RAC3: variants seen among roughly 807,000 people sequenced by gnomAD.
The protein encoded by RAC3 is Rac family small GTPase 3.
A neutral mutation model predicts 19.0 loss-of-function variants in RAC3; 9 were observed. The ratio of observed to expected loss-of-function variants is 0.47; its 90% CI spans 0.29 to 0.83. The LOEUF is 0.83. Ranked by LOEUF, RAC3 falls within the 40% of genes least tolerant of loss-of-function variation. The pLI, the probability that RAC3 is intolerant of heterozygous loss-of-function variation, is 0.09. For missense variants in RAC3, 203 were observed against 260.8 expected (o/e 0.78, Z 1.53); for synonymous variants, 146 against 111.8 (o/e 1.31, Z -1.93).
chr17:82,031,845 G>C, intron 1 of RAC3, 49 bp downstream of exon 1: 1 of 879,888 alleles, frequency 1.1e-6, no homozygotes, highest in Non-Finnish European at 1.4e-6. Context: ...CGGGAGGGGG[G>C]CTCGGGGGCT....
In RAC3 at chr17:82,033,622, C is replaced by T. The variant is rs1328735169; in HGVS notation, c.448+23C>T. 3 of 1,603,494 alleles carry T rather than the reference C, an allele frequency of 1.9e-6. No homozygotes were observed. The highest frequency in any genetic ancestry group is 1.7e-5 in the Admixed American group (1 of 59,524). On this transcript the variant is annotated intron_variant, in intron 5 of 5. Coordinates refer to ENST00000306897, the MANE Select transcript of RAC3 (RefSeq NM_005052.3). This position sits in a 1 kb window ranked among gnomAD's most constrained non-coding sequence, Gnocchi z 6.2. Reference sequence around the variant, plus strand: ...TTGGTGGGTAGGCGCTGGCGGCCTGCAGGGGAGGGGTGGGGAGGCGCAGTA... The same window carrying T: ...TTGGTGGGTAGGCGCTGGCGGCCTGTAGGGGAGGGGTGGGGAGGCGCAGTA...
At chr17:82,031,995 G>A (rs1488568792) in intron 1 of RAC3, 199 bp downstream of exon 1, 1 of 185,286 alleles carries the variant, frequency 5.4e-6, no homozygotes, top group African/African-American at 2.4e-5. Flanking sequence ...CTCCAGCTCG[G>A]GCCCACCTGA....
chr17:82,032,079 C>T, intron 1 of RAC3: 1 of 356,216 alleles, frequency 2.8e-6, no homozygotes, highest in South Asian at 5.1e-5. Flanking sequence ...TGGGTGGGGC[C>T]AGGCCTCTCA....
chr17:82,033,296 A>T lies in RAC3; in HGVS notation c.289-144A>T. ...TTTGTTCCTGGTATCTCCCCACCAA[A>T]TCCGCCCCTGGTCACCCCTTGAAGG... On this transcript the variant is annotated intron_variant, in intron 4 of 5. Coordinates refer to ENST00000306897, the MANE Select transcript of RAC3 (RefSeq NM_005052.3). This position sits in a 1 kb window ranked among gnomAD's most constrained non-coding sequence, Gnocchi z 6.2. 9.4e-7 allele frequency: 1 copy of T among 1,065,370 alleles called. No individual in the cohort carries two copies. The highest frequency in any genetic ancestry group is 2.6e-5 in the East Asian group (1 of 38,386). 66.0% of individuals were successfully genotyped at this position (1,065,370 alleles called of 1,614,324 possible).
chr17:82,032,605 G>C (rs4969477), intron 2 of RAC3, 106 bp from the exon 3 acceptor site: 1 of 1,438,526 alleles, frequency 7.0e-7, no homozygotes, highest in Non-Finnish European at 9.7e-7. Context: ...GTGCTGGCCA[G>C]AGTTCTAGTT....
In RAC3 at chr17:82,033,430, G is replaced by C; in HGVS notation, c.289-10G>C. 1 of 1,592,738 alleles carries C rather than the reference G, an allele frequency of 6.3e-7. No individual in the cohort carries two copies. The highest frequency in any genetic ancestry group is 1.1e-5 in the South Asian group (1 of 88,044). ...TCCGGGCCTAGGGATCAGAGCGTCT[G>C]TCCCTGCAGTGGTACCCGGAGGTGC... On this transcript the variant is annotated splice_polypyrimidine_tract_variant and intron_variant, in intron 4 of 5. Coordinates refer to ENST00000306897, the MANE Select transcript of RAC3 (RefSeq NM_005052.3). This position sits in a 1 kb window ranked among gnomAD's most constrained non-coding sequence, Gnocchi z 6.2.
Position 82,033,606 on chromosome 17 carries a change from A to G in RAC3, c.448+7A>G, listed in dbSNP as rs750610372. On this transcript the variant is annotated splice_region_variant and intron_variant, in intron 5 of 5. Transcript: ENST00000306897. This position sits in a 1 kb window ranked among gnomAD's most constrained non-coding sequence, Gnocchi z 6.2. ...GCCATGGCCCGGGAGATTGGTGGGT[A>G]GGCGCTGGCGGCCTGCAGGGGAGGG... 2 of 1,607,242 alleles carry G rather than the reference A, an allele frequency of 1.2e-6. No homozygotes were observed. The highest frequency in any genetic ancestry group is 1.7e-5 in the Admixed American group (1 of 59,680).
rs748463837 is a variant in RAC3, at chr17:82,032,456, C to G, written c.105C>G (p.Thr35=). Reference sequence around the variant, plus strand: ...CCTTCCCCGGAGAGTACATCCCCACCGTGTGAGTGTGGGGGCTTCCCGGGA... The same window carrying G: ...CCTTCCCCGGAGAGTACATCCCCACGGTGTGAGTGTGGGGGCTTCCCGGGA... The part of the protein sequence containing the change: ...TNAFPGEYIP[T]VFDNYSANVM... Residue 35 remains threonine (T), a splice_region_variant and synonymous_variant, in exon 2 of 6, where the codon ACC becomes ACG. Transcript: ENST00000306897. 1 of 1,612,840 alleles carries G rather than the reference C, an allele frequency of 6.2e-7. No individual in the cohort carries two copies. The highest frequency in any genetic ancestry group is 8.5e-7 in the Non-Finnish European group (1 of 1,179,766).
rs1410905444 is a variant in RAC3, at chr17:82,034,048, G to A, written c.*219G>A. The stretch of plus-strand genomic sequence containing the variant: ...TTCCCTGGCCCCCGCCGGAGGCCGG[G>A]AGGGAGCAGGGTCTCCCTCAGGGCT... On this transcript the variant is annotated 3_prime_UTR_variant, in exon 6 of 6. Coordinates refer to ENST00000306897, the MANE Select transcript of RAC3 (RefSeq NM_005052.3). 1 of 478,630 alleles carries A rather than the reference G, an allele frequency of 2.1e-6. No homozygotes were observed. The highest frequency in any genetic ancestry group is 3.5e-6 in the Non-Finnish European group (1 of 284,732). The allele number at this position is 478,630 out of a possible 1,614,324, so 29.6% of individuals were successfully genotyped here.
At position 82,032,754 on chromosome 17, in the gene RAC3, G is replaced by A. The variant is rs754486856; in HGVS notation, c.151G>A (p.Val51Ile). The change falls in exon 3 of 6, where the codon GTC becomes ATC. Residue 51 changes from valine to isoleucine, a missense_variant. Transcript: ENST00000306897. ...CAACGTGATGGTGGACGGGAAACCA[G>A]TCAACTTGGGGCTGTGGGACACAGC... ...SANVMVDGKP[V>I]NLGLWDTAGQ... 2.5e-6 allele frequency: 4 copies of A among 1,613,030 alleles called. No individual in the cohort carries two copies. The Admixed American group carries it at 6.7e-5, about 27-fold the overall frequency.
rs1315436461 is a variant in RAC3 at position 82,031,696 on chromosome 17, T to C, written c.-66T>C. On this transcript the variant is annotated 5_prime_UTR_variant, in exon 1 of 6. Coordinates refer to ENST00000306897, the MANE Select transcript of RAC3 (RefSeq NM_005052.3). ...GCTCGGCGCTCGGGTCCGCGGCCGC[T>C]GCGGCGCCGGGCATTTCTCCGCAGC... The C allele has an allele frequency of 5.4e-6, 5 of 926,374 alleles. No homozygotes were observed. The African/African-American group carries it at 9.1e-5, about 17-fold the overall frequency. The allele number at this position is 926,374 out of a possible 1,614,324, so 57.4% of individuals were successfully genotyped here.
At position 82,033,786 on chromosome 17, in the gene RAC3, C is replaced by A; in HGVS notation, c.536C>A (p.Pro179Gln). The change falls in exon 6 of 6, where the codon CCG becomes CAG. Residue 179 changes from proline to glutamine, a missense_variant. Around this residue, in one of 3 missense-constraint regions of RAC3, gnomAD observed 142 missense variants for 158.2 expected, o/e 0.90. Coordinates refer to ENST00000306897, the MANE Select transcript of RAC3 (RefSeq NM_005052.3). The surrounding 1 kb of genome is among the most constrained non-coding windows in gnomAD (Gnocchi z 6.2). ...FDEAIRAVLC[P>Q]PPVKKPGKKC... ...GAGGCGATCCGCGCGGTGCTCTGCC[C>A]GCCCCCAGTGAAGAAGCCGGGGAAG... is the stretch of plus-strand genomic sequence containing the variant. The A allele has an allele frequency of 6.2e-7, 1 of 1,611,744 alleles. No individual in the cohort carries two copies. Among genetic ancestry groups the A allele is most frequent in the Non-Finnish European group, 8.5e-7 (1 of 1,179,424 alleles).
chr17:82,032,466 T>G lies in RAC3; in HGVS notation c.107+8T>G. The G allele has an allele frequency of 1.2e-6, 2 of 1,612,612 alleles. No individual in the cohort carries two copies. Among genetic ancestry groups the G allele is most frequent in the Non-Finnish European group, 1.7e-6 (2 of 1,179,642 alleles). On this transcript the variant is annotated splice_region_variant and intron_variant, in intron 2 of 5. Transcript: ENST00000306897. The stretch of plus-strand genomic sequence containing the variant: ...AGAGTACATCCCCACCGTGTGAGTG[T>G]GGGGGCTTCCCGGGAGAGCACAGGC...
In RAC3 at chr17:82,033,030, C is replaced by G; in HGVS notation, c.288+21C>G. ...CCAAGGTAGGGCAAGGCTGGGGGCCCCTGTGGGGAGAGGGCTTGCCCCAGT... is the reference window on the plus strand; with the variant it reads ...CCAAGGTAGGGCAAGGCTGGGGGCCGCTGTGGGGAGAGGGCTTGCCCCAGT... On this transcript the variant is annotated intron_variant, in intron 4 of 5. Coordinates refer to ENST00000306897, the MANE Select transcript of RAC3 (RefSeq NM_005052.3). The surrounding 1 kb of genome is among the most constrained non-coding windows in gnomAD (Gnocchi z 6.2). The G allele has an allele frequency of 6.2e-7, 1 of 1,606,948 alleles. No individual in the cohort carries two copies. The highest frequency in any genetic ancestry group is 8.5e-7 in the Non-Finnish European group (1 of 1,174,728).
rs1047073470 is a variant in RAC3, at chr17:82,032,373, T to G, written c.36-14T>G. The G allele has an allele frequency of 6.2e-7, 1 of 1,611,878 alleles. No individual in the cohort carries two copies. Among genetic ancestry groups the G allele is most frequent in the Non-Finnish European group, 8.5e-7 (1 of 1,179,598 alleles). ...GGCCGGGCCCGGGAGCCACGTGGCT[T>G]GCCCTGTCCGCAGCGCCGTGGGGAA... On this transcript the variant is annotated splice_polypyrimidine_tract_variant and intron_variant, in intron 1 of 5. Transcript: ENST00000306897.
At chr17:82,032,583 G>A in intron 2 of RAC3, 125 bp downstream of exon 2, 5 of 1,443,168 alleles carry the variant, frequency 3.5e-6, no homozygotes, top group Non-Finnish European at 3.9e-6. Flanking sequence ...GGGCTTCCCG[G>A]CTGGAGCTGA....
rs1274753488 is a variant in RAC3 at position 82,032,726 on chromosome 17, T to C, written c.123T>C (p.Ser41=). 1 of 1,613,070 alleles carries C rather than the reference T, an allele frequency of 6.2e-7. No individual in the cohort carries two copies. Among genetic ancestry groups the C allele is most frequent in the East Asian group, 2.2e-5 (1 of 44,880 alleles). ...TGCTCTGCAGTTTTGACAACTACTC[T>C]GCCAACGTGATGGTGGACGGGAAAC... is the stretch of plus-strand genomic sequence containing the variant. ...EYIPTVFDNY[S]ANVMVDGKPV... Residue 41 remains serine (S), a synonymous_variant, in exon 3 of 6, where the codon TCT becomes TCC. Transcript: ENST00000306897.
In RAC3 at chr17:82,031,709, A is replaced by G. The variant is rs1396118588; in HGVS notation, c.-53A>G. 2.6e-5 allele frequency: 24 copies of G among 939,464 alleles called. No homozygotes were observed. The highest frequency in any genetic ancestry group is 2.9e-5 in the Non-Finnish European group (23 of 791,174). 58.2% of individuals were successfully genotyped at this position (939,464 alleles called of 1,614,324 possible). On this transcript the variant is annotated 5_prime_UTR_variant, in exon 1 of 6. Coordinates refer to ENST00000306897, the MANE Select transcript of RAC3 (RefSeq NM_005052.3). The stretch of plus-strand genomic sequence containing the variant: ...GTCCGCGGCCGCTGCGGCGCCGGGC[A>G]TTTCTCCGCAGCTCGGCTCGCGGCC...
Position 82,033,064 on chromosome 17 carries a change from C to G in RAC3, c.288+55C>G. 6.5e-7 allele frequency: 1 copy of G among 1,543,814 alleles called. No individual in the cohort carries two copies. The highest frequency in any genetic ancestry group is 8.9e-7 in the Non-Finnish European group (1 of 1,121,152). On this transcript the variant is annotated intron_variant, in intron 4 of 5. Transcript: ENST00000306897. The surrounding 1 kb of genome is among the most constrained non-coding windows in gnomAD (Gnocchi z 6.2). ...AGAGGGCTTGCCCCAGTACCTGCCCCGACAAGTTGTCCTTTAGAGGCAATT... is the reference window on the plus strand; with the variant it reads ...AGAGGGCTTGCCCCAGTACCTGCCCGGACAAGTTGTCCTTTAGAGGCAATT...
Sources: allele counts gnomAD v4.1 joint callset, GRCh38; gene constraint gnomAD v4.1.1; regional missense constraint gnomAD v4.1.1; non-coding constraint Gnocchi (gnomAD v3.1); transcripts MANE v1.5; gene names NCBI Gene and HGNC (gene_info 2026-07-23, HGNC 2026-07-21).